Variants in MED6 observed in about 807,000 individuals in gnomAD.
MED6 encodes the protein mediator complex subunit 6.
MED6 carries 33 observed loss-of-function variants against 37.5 expected under a neutral mutation model. That is an observed-to-expected ratio of 0.88 (90% CI 0.67 to 1.18). The LOEUF (loss-of-function observed/expected upper bound fraction) is 1.18, where lower values mean the gene tolerates loss of function less well. Ranked by LOEUF, MED6 falls within the 50% of genes most tolerant of loss-of-function variation. The pLI is 0.00. For missense variants in MED6, 235 were observed against 290.6 expected (o/e 0.81, Z 1.39); for synonymous variants, 94 against 93.6 (o/e 1.00, Z -0.02).
chr14:70,587,826 A>T (rs979290348), intron 6 of MED6, among the ~76,000 whole-genome samples: 1 of 152,210 alleles, frequency 6.6e-6, no homozygotes. Context: ...AGTCCTCATA[A>T]AAGGCTCCAA....
intron 6 of MED6, among the ~76,000 whole-genome samples, chr14:70,588,870 A>T (rs1884792575): frequency 6.6e-6 from 1 of 152,032 alleles, no homozygotes; most frequent in African/African-American, 2.4e-5. Context: ...TAAAATTACC[A>T]TACTTTTCTA....
chr14:70,599,298 T>C (rs1045401493), intron 1 of MED6, among the ~76,000 whole-genome samples: 5 of 152,204 alleles, frequency 3.3e-5, no homozygotes, highest in Non-Finnish European at 5.9e-5. Context: ...AGTGCGTTAA[T>C]AACCAAATAA....
intron 6 of MED6, among the ~76,000 whole-genome samples, chr14:70,586,765 C>T (rs941098916): frequency 1.3e-5 from 2 of 152,150 alleles, no homozygotes; most frequent in African/African-American, 4.8e-5. Flanking sequence ...CTATCCTACT[C>T]CAACTGCAAG....
At chr14:70,585,073 T>C in intron 7 of MED6, 130 bp from the exon 8 acceptor site, 3 of 1,093,866 alleles carry the variant, frequency 2.7e-6, no homozygotes, top group South Asian at 3.1e-5. Flanking sequence ...ATCTAGCTGT[T>C]TCCCCAGGCA....
intron 6 of MED6, 137 bp from the exon 7 acceptor site, chr14:70,585,920 TGAA>T: frequency 1.6e-6 from 1 of 631,256 alleles, no homozygotes; most frequent in Non-Finnish European, 2.6e-6. Context: ...AATGACTTTG[TGAA>T]GAAAAGCTAC....
At chr14:70,598,219 A>G (rs1885101366) in intron 1 of MED6, among the ~76,000 whole-genome samples, 1 of 152,166 alleles carries the variant, frequency 6.6e-6, no homozygotes, top group Non-Finnish European at 1.5e-5. Context: ...GCTTGCACCC[A>G]GAAGGTCTCG....
At chr14:70,590,231 T>A (rs1277602911) in intron 6 of MED6, among the ~76,000 whole-genome samples, 1 of 152,204 alleles carries the variant, frequency 6.6e-6, no homozygotes, top group Non-Finnish European at 1.5e-5. Flanking sequence ...GCATACACTA[T>A]GTACTCACCA....
At position 70,591,296 on chromosome 14, in the gene MED6, G is replaced by C; in HGVS notation, c.552C>G (p.Leu184=). 6.2e-7 allele frequency: 1 copy of C among 1,611,906 alleles called. No individual in the cohort carries two copies. The highest frequency in any genetic ancestry group is 1.1e-5 in the South Asian group (1 of 90,318). ...RQRVDALLLD[L]RQKFPPKFVQ... is the part of the protein sequence containing the mutation. ...CAAATTTGGGTGGAAATTTTTGTCT[G>C]AGGTCTAAAAGTAAAGCATCCACAC... is the stretch of plus-strand genomic sequence containing the variant. Residue 184 remains leucine (L), a synonymous_variant, in exon 6 of 8, where the codon CTC becomes CTG. Coordinates refer to ENST00000256379, the MANE Select transcript of MED6 (RefSeq NM_005466.4).
chr14:70,588,968 A>T (rs1322669530), intron 6 of MED6, among the ~76,000 whole-genome samples: 2 of 152,070 alleles, frequency 1.3e-5, no homozygotes, highest in African/African-American at 4.8e-5. Context: ...AGGACAGCAA[A>T]CAAGAATCAA....
At position 70,600,605 on chromosome 14, in the gene MED6, A is replaced by T; in HGVS notation, c.22+11T>A. On this transcript the variant is annotated intron_variant, in intron 1 of 7. Coordinates refer to ENST00000256379, the MANE Select transcript of MED6 (RefSeq NM_005466.4). ...GACAATCAAGAGACAAAATATAGCA[A>T]TACAGTATACCTCGGATATCCACCG... 1 of 1,613,392 alleles carries T rather than the reference A, an allele frequency of 6.2e-7. No individual in the cohort carries two copies. Among genetic ancestry groups the T allele is most frequent in the African/African-American group, 1.3e-5 (1 of 74,746 alleles).
At chr14:70,599,542 C>T (rs962565618) in intron 1 of MED6, among the ~76,000 whole-genome samples, 33 of 152,232 alleles carry the variant, frequency 2.2e-4, no homozygotes, top group African/African-American at 7.5e-4. Flanking sequence ...GAGGAAAAGC[C>T]AAAGACCTTA....
intron 3 of MED6, chr14:70,594,689 C>T (rs529871834): frequency 2.8e-5 from 13 of 456,192 alleles, no homozygotes; most frequent in East Asian, 2.0e-4. Flanking sequence ...CCCAGATCTC[C>T]GTGTCCCGCT....
At position 70,585,803 on chromosome 14, in the gene MED6, A is replaced by C. The variant is rs747465677; in HGVS notation, c.583-20T>G. 1.9e-6 allele frequency: 3 copies of C among 1,602,192 alleles called. No homozygotes were observed. The South Asian group carries it at 3.4e-5, about 18-fold the overall frequency. ...CTTTAGCTATAATTTTTTAGAAAAA[A>C]GGGAGGGAGAGGAAGAGGAAAAAGA... is the stretch of plus-strand genomic sequence containing the variant. On this transcript the variant is annotated intron_variant, in intron 6 of 7. Transcript: ENST00000256379.
At chr14:70,590,820 T>C (rs1884847480) in intron 6 of MED6, among the ~76,000 whole-genome samples, 1 of 152,238 alleles carries the variant, frequency 6.6e-6, no homozygotes, top group Non-Finnish European at 1.5e-5. Context: ...CTGTCTCCTC[T>C]GTTTATTATG....
At chr14:70,600,078 G>A (rs10143254) in intron 1 of MED6, among the ~76,000 whole-genome samples, 27,916 of 151,840 alleles carry the variant, frequency 0.18, 3,320 homozygotes, top group East Asian at 0.52. Flanking sequence ...GAGTACTTCT[G>A]CAGTTCAGCT....
At position 70,584,617 on chromosome 14, in the gene MED6, C is replaced by CTG; in HGVS notation, c.*195_*196insCA. 1.8e-6 allele frequency: 1 copy of CTG among 554,232 alleles called. No individual in the cohort carries two copies. The highest frequency in any genetic ancestry group is 3.0e-6 in the Non-Finnish European group (1 of 336,924). The allele number at this position is 554,232 out of a possible 1,614,324, so 34.3% of individuals were successfully genotyped here. On this transcript the variant is annotated 3_prime_UTR_variant, in exon 8 of 8. Coordinates refer to ENST00000256379, the MANE Select transcript of MED6 (RefSeq NM_005466.4). ...TCTTGAACTTCTGACCTCAAGTGAT[C>CTG]CACCCGCCATGGCCTCCCAAAGTGC... is the stretch of plus-strand genomic sequence containing the variant.
intron 1 of MED6, among the ~76,000 whole-genome samples, chr14:70,600,237 C>T (rs539996134): frequency 1.8e-4 from 27 of 152,222 alleles, no homozygotes; most frequent in African/African-American, 6.5e-4. Context: ...ATGCCAAGTC[C>T]CAAGAGATGA....
intron 6 of MED6, among the ~76,000 whole-genome samples, chr14:70,588,955 G>A (rs1406538220): frequency 6.6e-6 from 1 of 151,974 alleles, no homozygotes; most frequent in Non-Finnish European, 1.5e-5. Context: ...AGCTCACCAG[G>A]ACAGGACAGC....
chr14:70,589,879 A>G (rs1406978952), intron 6 of MED6, among the ~76,000 whole-genome samples: 2 of 152,156 alleles, frequency 1.3e-5, no homozygotes, highest in Admixed American at 1.3e-4. Context: ...TGCATGTTCT[A>G]TTACCGTTTT....
Sources: gnomAD v4.1 joint callset for allele counts (sites outside exome capture counted in the v4.1 genomes callset) on GRCh38, gnomAD v4.1.1 for gene constraint, MANE v1.5 for transcripts, NCBI Gene and HGNC (gene_info 2026-07-23, HGNC 2026-07-21) for gene names.